ATP8B3: variants seen among roughly 807,000 people sequenced by gnomAD.
ATP8B3 encodes ATPase phospholipid transporting 8B3, also known as phospholipid-transporting ATPase IK.
A neutral mutation model predicts 140.9 loss-of-function variants in ATP8B3; 141 were observed. The ratio of observed to expected loss-of-function variants is 1.00; its 90% confidence interval spans 0.87 to 1.15. The LOEUF is 1.15. Ranked by LOEUF, ATP8B3 falls within the 50% of genes most tolerant of loss-of-function variation. The pLI, the probability that ATP8B3 is intolerant of heterozygous loss-of-function variation, is 0.00. For synonymous variants in ATP8B3, 765 were observed against 714.6 expected (o/e 1.07, Z -1.13); for missense variants, 1,874 against 1,740.6 (o/e 1.08, Z -1.36).
Position 1,789,013 on chromosome 19 carries a change from G to A in ATP8B3, c.2953C>T (p.His985Tyr). 1 of 1,609,914 alleles carries A rather than the reference G, an allele frequency of 6.2e-7. No individual in the cohort carries two copies. Among genetic ancestry groups the A allele is most frequent in the Non-Finnish European group, 8.5e-7 (1 of 1,178,662 alleles). ...ATCCGCACGTAGGACCAGCGGCCGT[G>A]CACCAGCAGGAGGCGCTGCAGGAAG... Reference protein sequence around the residue: ...FCFLQRLLLVHGRWSYVRICK... With the variant: ...FCFLQRLLLVYGRWSYVRICK... The change falls in exon 24 of 29, where the codon CAC (histidine) becomes TAC (tyrosine). Residue 985 changes from histidine to tyrosine, a missense_variant. Transcript: ENST00000310127.
rs2068664407 is a variant in ATP8B3, at chr19:1,796,114, C to A, written c.1905G>T (p.Met635Ile). ...TCCGTTTGCGCGTGCTGTTGAAGTC[C>A]ATTATGGCCAGGACCTGGTAGACCC... ...EERVYQVLAI[M>I]DFNSTRKRMS... The change falls in exon 17 of 29, where the codon ATG (methionine) becomes ATT (isoleucine). Residue 635 changes from methionine to isoleucine, a missense_variant. Coordinates refer to ENST00000310127, the MANE Select transcript of ATP8B3 (RefSeq NM_138813.4). 6.2e-7 allele frequency: 1 copy of A among 1,613,016 alleles called. No individual in the cohort carries two copies. The highest frequency in any genetic ancestry group is 8.5e-7 in the Non-Finnish European group (1 of 1,179,852).
intron 24 of ATP8B3, among the ~76,000 whole-genome samples, chr19:1,788,443 A>G (rs542004848): frequency 6.6e-6 from 1 of 152,246 alleles, no homozygotes; most frequent in South Asian, 2.1e-4. Context: ...TGAGGTCAGG[A>G]GTTCGAGACC....
chr19:1,790,657 CTGTG>C, intron 21 of ATP8B3, 96 bp downstream of exon 21: 21 of 872,748 alleles, frequency 2.4e-5, no homozygotes, highest in South Asian at 1.1e-4. Context: ...CCCCTTCCCA[CTGTG>C]CCTTGGGCTC....
Position 1,789,570 on chromosome 19 carries a change from GC to G in ATP8B3, c.2635del (p.Ala879HisfsTer36), listed in dbSNP as rs765160654. 4.4e-5 allele frequency: 70 copies of G among 1,593,770 alleles called. No individual in the cohort carries two copies. The East Asian group carries it at 1.6e-3, about 36-fold the overall frequency. ...GGCTCTGGAGTCCTGGGCTGGCGGTGCAGCCAGCGGGAGCCCGAACCTCCGG... is the reference window on the plus strand; with the variant it reads ...GGCTCTGGAGTCCTGGGCTGGCGGTGAGCCAGCGGGAGCCCGAACCTCCGG... Reference protein sequence around the residue: ...LCRRFGLPLAAPPAQDSRARR... With the variant: ...LCRRFGLPLAXPPAQDSRARR... On this transcript the variant is annotated frameshift_variant, in exon 23 of 29. Coordinates refer to ENST00000310127, the MANE Select transcript of ATP8B3 (RefSeq NM_138813.4). LOFTEE classifies it high-confidence loss of function.
chr19:1,811,361 C>T (rs2069182051), intron 2 of ATP8B3, 128 bp downstream of exon 2: 3 of 1,349,652 alleles, frequency 2.2e-6, no homozygotes, highest in Non-Finnish European at 2.9e-6. Context: ...TGGTTTGGCC[C>T]CCTATGAGGA....
chr19:1,793,295 G>A (rs1476006254), intron 18 of ATP8B3, among the ~76,000 whole-genome samples: 2 of 151,938 alleles, frequency 1.3e-5, no homozygotes, highest in Admixed American at 6.6e-5. Flanking sequence ...AATAGAGGTG[G>A]TTTCACCATG....
chr19:1,782,542 GTGA>G lies in ATP8B3; in HGVS notation c.*483_*485del. On this transcript the variant is annotated 3_prime_UTR_variant, in exon 29 of 29. Transcript: ENST00000310127. Reference sequence around the variant, plus strand: ...GTGGCACCGTCCCCTCCTTGGGGGTGTGAGGCTCCTTTTGCCAGCTCTTCCGGA... The same window carrying G: ...GTGGCACCGTCCCCTCCTTGGGGGTGGGCTCCTTTTGCCAGCTCTTCCGGA... 5.0e-6 allele frequency: 1 copy of G among 199,946 alleles called. No individual in the cohort carries two copies. 12.4% of individuals were successfully genotyped at this position (199,946 alleles called of 1,614,324 possible). A position where few individuals can be genotyped will look rare whatever the true frequency, so the allele number is the denominator to read the frequency against.
intron 24 of ATP8B3, among the ~76,000 whole-genome samples, chr19:1,787,759 A>C (rs1260190146): frequency 8.1e-6 from 1 of 123,852 alleles, no homozygotes; most frequent in Non-Finnish European, 1.7e-5. Context: ...AAAAAAAAAA[A>C]AACGCTGGGT....
At position 1,811,801 on chromosome 19, in the gene ATP8B3, G is replaced by T; in HGVS notation, c.-65C>A. 1.3e-6 allele frequency: 2 copies of T among 1,492,350 alleles called. No individual in the cohort carries two copies. The highest frequency in any genetic ancestry group is 8.9e-7 in the Non-Finnish European group (1 of 1,124,194). The allele number at this position is 1,492,350 out of a possible 1,614,324, so 92.4% of individuals were successfully genotyped here. On this transcript the variant is annotated 5_prime_UTR_variant, in exon 2 of 29. Transcript: ENST00000310127. ...GTTTAGGCTGTGGGACGGGGGAGAG[G>T]TGGGGGAGACCCCCGTGGGGGCAGA...
At position 1,782,268 on chromosome 19, in the gene ATP8B3, TG is replaced by T; in HGVS notation, c.*759del. The T allele has an allele frequency of 3.0e-6, 1 of 329,794 alleles. No homozygotes were observed. 20.4% of individuals were successfully genotyped at this position (329,794 alleles called of 1,614,324 possible). Reference sequence around the variant, plus strand: ...GGCTCGAAGATGCCTCTTCATCAGATGGGTCTAGGGATTCAGATGCTACGTC... The same window carrying T: ...GGCTCGAAGATGCCTCTTCATCAGATGGTCTAGGGATTCAGATGCTACGTC... On this transcript the variant is annotated 3_prime_UTR_variant, in exon 29 of 29. Transcript: ENST00000310127.
chr19:1,811,411 C>A (rs1259434252), intron 2 of ATP8B3, 78 bp downstream of exon 2: 24 of 1,509,064 alleles, frequency 1.6e-5, no homozygotes, highest in Non-Finnish European at 2.0e-5. Context: ...TGGCCCCCCA[C>A]CTGCCAGCTC....
Position 1,792,257 on chromosome 19 carries a change from C to A in ATP8B3, c.2056-122G>T, listed in dbSNP as rs1242015858. ...CCCAACCAAAAGCCTGTTGCCTCCC[C>A]AGCCAACAGCAGCCAGAAGGGATTC... On this transcript the variant is annotated intron_variant, in intron 18 of 28. Coordinates refer to ENST00000310127, the MANE Select transcript of ATP8B3 (RefSeq NM_138813.4). The A allele has an allele frequency of 4.5e-6, 5 of 1,109,116 alleles. No individual in the cohort carries two copies. The African/African-American group carries it at 7.9e-5, about 18-fold the overall frequency. 68.7% of individuals were successfully genotyped at this position (1,109,116 alleles called of 1,614,324 possible).
chr19:1,796,872 G>A lies in ATP8B3; in HGVS notation c.1592C>T (p.Pro531Leu), dbSNP rs772700926. 9 of 1,611,994 alleles carry A rather than the reference G, an allele frequency of 5.6e-6. No homozygotes were observed. Among genetic ancestry groups the A allele is most frequent in the Non-Finnish European group, 7.6e-6 (9 of 1,179,274 alleles). Residue 531 changes from proline (P) to leucine (L), a missense_variant, in exon 16 of 29, where the codon CCC (proline) becomes CTC (leucine). Coordinates refer to ENST00000310127, the MANE Select transcript of ATP8B3 (RefSeq NM_138813.4). ...GTCGGCGAACTTGTTCCAGAGGTAG[G>A]GGTTCTCCTGGGGGTGGCGGGGGCA... ...SEATTRPKEN[P>L]YLWNKFADGK...
Position 1,800,482 on chromosome 19 carries a change from G to A in ATP8B3, c.1153-33C>T, listed in dbSNP as rs1224315096. The A allele has an allele frequency of 4.0e-6, 6 of 1,515,752 alleles. No homozygotes were observed. Among genetic ancestry groups the A allele is most frequent in the Non-Finnish European group, 5.5e-6 (6 of 1,099,438 alleles). The allele number at this position is 1,515,752 out of a possible 1,614,324, so 93.9% of individuals were successfully genotyped here. ...GCAGACGCGACAGGGTGGGTGAGGG[G>A]GGCGGGGGTCCCCCACTCTGCCATC... On this transcript the variant is annotated intron_variant, in intron 12 of 28. Coordinates refer to ENST00000310127, the MANE Select transcript of ATP8B3 (RefSeq NM_138813.4). This position sits in a 1 kb window ranked among gnomAD's most constrained non-coding sequence, Gnocchi z 4.4.
At chr19:1,789,267 C>T in intron 23 of ATP8B3, 94 bp downstream of exon 23, 1 of 1,355,232 alleles carries the variant, frequency 7.4e-7, no homozygotes. Context: ...CAGCGCCCCC[C>T]TCACCTGCCC....
chr19:1,792,092 C>A lies in ATP8B3; in HGVS notation c.2099G>T (p.Arg700Met), dbSNP rs867698203. The change falls in exon 19 of 29, where the codon AGG (arginine) becomes ATG (methionine). Residue 700 changes from arginine (R) to methionine (M), a missense_variant. Transcript: ENST00000310127. ...CTCGTAAATGTCCTCAGCCACCTCCCTGTAGGCCAGGCACAGTGTCCGCAG... is the reference window on the plus strand; with the variant it reads ...CTCGTAAATGTCCTCAGCCACCTCCATGTAGGCCAGGCACAGTGTCCGCAG... ...ETLRTLCLAY[R>M]EVAEDIYEDW... 1 of 1,573,200 alleles carries A rather than the reference C, an allele frequency of 6.4e-7. No individual in the cohort carries two copies. Among genetic ancestry groups the A allele is most frequent in the East Asian group, 2.3e-5 (1 of 42,826 alleles).
chr19:1,806,222 A>AC lies in ATP8B3; in HGVS notation c.678-54dup, dbSNP rs2069013403. The AC allele has an allele frequency of 6.5e-7, 1 of 1,548,664 alleles. No individual in the cohort carries two copies. The highest frequency in any genetic ancestry group is 8.7e-7 in the Non-Finnish European group (1 of 1,148,390). On this transcript the variant is annotated intron_variant, in intron 7 of 28. Transcript: ENST00000310127. This position sits in a 1 kb window ranked among gnomAD's most constrained non-coding sequence, Gnocchi z 5.6. ...GCCCCTCCCTCTGCCAACCCTCCCC[A>AC]CACCGGGAGACCAGAGGCACGGGAT... is the stretch of plus-strand genomic sequence containing the variant.
chr19:1,791,050 G>A (rs576603431), intron 20 of ATP8B3, among the ~76,000 whole-genome samples: 1 of 152,328 alleles, frequency 6.6e-6, no homozygotes, highest in African/African-American at 2.4e-5. Context: ...GGACTGGGCT[G>A]CCCAGAGATG....
chr19:1,795,483 G>A (rs1293882135), intron 18 of ATP8B3, among the ~76,000 whole-genome samples: 2 of 150,278 alleles, frequency 1.3e-5, no homozygotes, highest in Non-Finnish European at 3.0e-5. Context: ...CCCGGGAGGC[G>A]GAGGTTGCAG....
Sources: gnomAD v4.1 joint callset for allele counts (sites outside exome capture counted in the v4.1 genomes callset) on GRCh38, gnomAD v4.1.1 for gene constraint, Gnocchi (gnomAD v3.1) non-coding constraint, MANE v1.5 for transcripts, NCBI Gene and HGNC (gene_info 2026-07-23, HGNC 2026-07-21) for gene names.